The following FMNL2 variants were observed in gnomAD, a reference collection of about 807,000 sequenced individuals.
The protein encoded by FMNL2 is formin-like protein 2.
In FMNL2, 51 loss-of-function variants were observed where a neutral mutation model predicts 130.2. That is an observed-to-expected ratio of 0.39 (90% CI 0.31 to 0.49). The LOEUF is 0.49. Ranked by LOEUF, FMNL2 falls within the 20% of genes least tolerant of loss-of-function variation. The pLI is 0.85. For synonymous variants in FMNL2, 465 were observed against 467.1 expected, an observed-to-expected ratio of 1.00 and a Z score of 0.06; for missense variants, 977 against 1,316.2, an observed-to-expected ratio of 0.74 and a Z score of 3.99.
chr2:152,361,660 G>C (rs1364020082), intron 1 of FMNL2, among the ~76,000 whole-genome samples: 1 of 152,010 alleles, frequency 6.6e-6, no homozygotes, highest in Non-Finnish European at 1.5e-5. Context: ...TATGAAAGCT[G>C]GAATGACTTA....
intron 1 of FMNL2, among the ~76,000 whole-genome samples, chr2:152,419,460 ACAC>A (rs1686791709): frequency 6.6e-6 from 1 of 152,160 alleles, no homozygotes; most frequent in African/African-American, 2.4e-5. Context: ...ACACAGAAAG[ACAC>A]CACATGTTCT....
intron 9 of FMNL2, among the ~76,000 whole-genome samples, chr2:152,584,734 T>G (rs2105742221): frequency 6.6e-6 from 1 of 152,368 alleles, no homozygotes; most frequent in African/African-American, 2.4e-5. Flanking sequence ...TTAAAGGAAG[T>G]TATTATTTGG....
At chr2:152,522,237 A>T (rs995623257) in intron 2 of FMNL2, among the ~76,000 whole-genome samples, 1 of 152,212 alleles carries the variant, frequency 6.6e-6, no homozygotes, top group African/African-American at 2.4e-5. Flanking sequence ...TATTAAAAAG[A>T]CTTCTTGAGA....
At chr2:152,479,525 G>C (rs1036103014) in intron 1 of FMNL2, among the ~76,000 whole-genome samples, 1 of 152,050 alleles carries the variant, frequency 6.6e-6, no homozygotes, top group Non-Finnish European at 1.5e-5. Flanking sequence ...TCCTTCTATA[G>C]TTTGAGTATG....
chr2:152,413,427 C>T (rs182180143), intron 1 of FMNL2, among the ~76,000 whole-genome samples: 56 of 152,128 alleles, frequency 3.7e-4, no homozygotes, highest in African/African-American at 1.3e-3. Context: ...ATGAAACACT[C>T]CATTGATACT....
Position 152,611,414 on chromosome 2 carries a change from A to G in FMNL2, c.952-81A>G, listed in dbSNP as rs1182363461. ...GGAAATCGGTAAGTGAGCCTTTTTT[A>G]TGAAATTGAAAGCACATGTCTGCAG... On this transcript the variant is annotated intron_variant, in intron 10 of 25. Coordinates refer to ENST00000288670, the MANE Select transcript of FMNL2 (RefSeq NM_052905.4). The G allele has an allele frequency of 8.8e-6, 6 of 678,250 alleles. No homozygotes were observed. The East Asian group carries it at 1.4e-4, about 16-fold the overall frequency. The allele number at this position is 678,250 out of a possible 1,614,324, so 42.0% of individuals were successfully genotyped here.
chr2:152,643,573 T>C (rs1229451983), intron 25 of FMNL2: 1 of 1,532,156 alleles, frequency 6.5e-7, no homozygotes, highest in Non-Finnish European at 8.7e-7. Context: ...ATGTCTTATG[T>C]CCCCCTCTGT....
At chr2:152,492,198 C>T (rs1388350281) in intron 1 of FMNL2, among the ~76,000 whole-genome samples, 3 of 151,956 alleles carry the variant, frequency 2.0e-5, no homozygotes, top group African/African-American at 4.8e-5. Context: ...CTCTTCATTC[C>T]GTCCCCCACC....
intron 1 of FMNL2, among the ~76,000 whole-genome samples, chr2:152,417,303 A>G (rs148005674): frequency 1.4e-4 from 21 of 152,276 alleles, no homozygotes; most frequent in African/African-American, 5.1e-4. Flanking sequence ...TTGTGCTTGA[A>G]GTCTCCGGAT....
intron 1 of FMNL2, among the ~76,000 whole-genome samples, chr2:152,433,894 CT>C (rs1687616476): frequency 6.6e-6 from 1 of 152,168 alleles, no homozygotes. Flanking sequence ...TGGAGAAAAT[CT>C]TTGTCCTGCC....
At chr2:152,630,039 C>T (rs1682058704) in intron 20 of FMNL2, 134 bp downstream of exon 20, 1 of 727,250 alleles carries the variant, frequency 1.4e-6, no homozygotes, top group African/African-American at 1.8e-5. Context: ...TTTTCTGGAA[C>T]ACCATTTGAC....
chr2:152,409,440 C>T (rs1686168139), intron 1 of FMNL2, among the ~76,000 whole-genome samples: 2 of 152,064 alleles, frequency 1.3e-5, no homozygotes, highest in South Asian at 4.2e-4. Context: ...CTGCTTTTTT[C>T]AGAAGTTTAA....
At chr2:152,449,279 G>A (rs77006803) in intron 1 of FMNL2, among the ~76,000 whole-genome samples, 5,662 of 152,186 alleles carry the variant, frequency 0.037, 281 homozygotes, top group African/African-American at 0.11. Context: ...TGCTTAATAT[G>A]CAGTGATATG....
intron 6 of FMNL2, among the ~76,000 whole-genome samples, chr2:152,568,772 A>G (rs754675697): frequency 3.9e-5 from 6 of 152,138 alleles, no homozygotes; most frequent in Admixed American, 2.6e-4. Flanking sequence ...TGAGAACAGC[A>G]TGGAGGTAAC....
intron 1 of FMNL2, among the ~76,000 whole-genome samples, chr2:152,432,226 A>G (rs1687532869): frequency 6.6e-6 from 1 of 150,788 alleles, no homozygotes; most frequent in Non-Finnish European, 1.5e-5. Flanking sequence ...TTTTTTTTTT[A>G]ACAGTCTCAG....
chr2:152,431,454 T>A (rs1687486055), intron 1 of FMNL2, among the ~76,000 whole-genome samples: 1 of 152,218 alleles, frequency 6.6e-6, no homozygotes, highest in South Asian at 2.1e-4. Context: ...GGAAAAAGAT[T>A]AACTTCTTTA....
intron 1 of FMNL2, among the ~76,000 whole-genome samples, chr2:152,413,658 A>T (rs1281590012): frequency 6.6e-6 from 1 of 152,224 alleles, no homozygotes. Context: ...GCAGGGTCTA[A>T]TGTGCATATG....
intron 1 of FMNL2, among the ~76,000 whole-genome samples, chr2:152,411,240 G>A (rs956834348): frequency 6.6e-6 from 1 of 152,134 alleles, no homozygotes; most frequent in Non-Finnish European, 1.5e-5. Context: ...GGGAAGGGAA[G>A]GTAAATTATA....
At chr2:152,597,676 A>C (rs1697840546) in intron 9 of FMNL2, among the ~76,000 whole-genome samples, 1 of 152,188 alleles carries the variant, frequency 6.6e-6, no homozygotes, top group Admixed American at 6.5e-5. Context: ...AACTCTGTGA[A>C]AGTATTAAGT....
Sources: allele counts gnomAD v4.1 joint callset (sites outside exome capture counted in the v4.1 genomes callset), GRCh38; gene constraint gnomAD v4.1.1; transcripts MANE v1.5; gene names NCBI Gene and HGNC (gene_info 2026-07-23, HGNC 2026-07-21).